SND1: variants seen among roughly 807,000 people sequenced by gnomAD.
SND1 encodes the protein staphylococcal nuclease and tudor domain containing 1.
SND1 carries 38 observed loss-of-function variants against 121.7 expected under a neutral mutation model. The observed-to-expected ratio is 0.31, with a 90% CI of 0.24 to 0.41. The LOEUF is 0.41. Among genes scored for constraint, SND1 ranks in the 10% least tolerant of loss-of-function variants. The pLI, the probability that SND1 is intolerant of heterozygous loss-of-function variation, is 1.00. For missense variants in SND1, 868 were observed against 1,184.6 expected (o/e 0.73, Z 3.92); for synonymous variants, 401 against 447.4 (o/e 0.90, Z 1.31).
intron 15 of SND1, among the ~76,000 whole-genome samples, chr7:127,988,529 T>C (rs751179636): frequency 2.0e-5 from 3 of 152,182 alleles, no homozygotes; most frequent in Admixed American, 1.3e-4. Context: ...TATTTCTGCT[T>C]GATTTGTTTA....
intron 16 of SND1, chr7:128,028,030 A>C (rs1243450944): frequency 6.5e-6 from 1 of 152,728 alleles, no homozygotes; most frequent in Non-Finnish European, 1.5e-5. Flanking sequence ...AGACTTGTGC[A>C]CATGGACAAA....
intron 12 of SND1, among the ~76,000 whole-genome samples, chr7:127,878,954 G>A (rs1005374078): frequency 2.6e-5 from 4 of 151,822 alleles, no homozygotes; most frequent in African/African-American, 9.7e-5. Flanking sequence ...AACAAAAATG[G>A]GGACAAAAAT....
chr7:128,059,336 C>T (rs188234311), intron 16 of SND1, among the ~76,000 whole-genome samples: 29 of 152,296 alleles, frequency 1.9e-4, no homozygotes, highest in Non-Finnish European at 2.9e-5. Flanking sequence ...GTGGCTTTAT[C>T]GTGTCTTCTC....
intron 3 of SND1, 70 bp from the exon 4 acceptor site, chr7:127,698,805 C>T (rs918433000): frequency 8.3e-7 from 1 of 1,208,614 alleles, no homozygotes; most frequent in Non-Finnish European, 1.2e-6. Context: ...GAAAGTGGTC[C>T]CATTTGGGCT....
intron 10 of SND1, among the ~76,000 whole-genome samples, chr7:127,738,965 C>G (rs759362055): frequency 1.3e-5 from 2 of 152,174 alleles, no homozygotes; most frequent in Non-Finnish European, 2.9e-5. Context: ...AGGACACTTG[C>G]AGGGTGTGTT....
At chr7:127,922,189 T>TTTTG (rs1800726037) in intron 14 of SND1, among the ~76,000 whole-genome samples, 1 of 95,458 alleles carries the variant, frequency 1.0e-5, no homozygotes, top group South Asian at 4.3e-4. Context: ...TTTTTTTTTT[T>TTTTG]TTTTTTTTTT....
intron 21 of SND1, among the ~76,000 whole-genome samples, chr7:128,088,496 A>C (rs1446967019): frequency 1.6e-5 from 2 of 123,020 alleles, no homozygotes; most frequent in Non-Finnish European, 3.2e-5. Context: ...TTTGTCACCC[A>C]GGCTAGAGTG....
At chr7:127,751,685 G>A (rs933492038) in intron 10 of SND1, among the ~76,000 whole-genome samples, 2 of 152,234 alleles carry the variant, frequency 1.3e-5, no homozygotes, top group Non-Finnish European at 2.9e-5. Context: ...TAGCAACCTC[G>A]CTGTTCCAGC....
chr7:127,974,735 T>C (rs962184977), intron 15 of SND1, among the ~76,000 whole-genome samples: 2 of 152,242 alleles, frequency 1.3e-5, no homozygotes, highest in African/African-American at 4.8e-5. Flanking sequence ...ACAGCCTCCA[T>C]ATGAAACACT....
chr7:127,744,024 T>C, intron 10 of SND1, among the ~76,000 whole-genome samples: 1 of 152,166 alleles, frequency 6.6e-6, no homozygotes. Flanking sequence ...GCTGTAAAAA[T>C]CTCTTTTAAA....
At chr7:127,673,816 G>A (rs189929006) in intron 1 of SND1, among the ~76,000 whole-genome samples, 7 of 152,258 alleles carry the variant, frequency 4.6e-5, no homozygotes, top group Admixed American at 1.3e-4. Flanking sequence ...GAGAGCTCTT[G>A]TAAGCTGGTT....
chr7:127,784,402 G>A (rs959485520), intron 10 of SND1, among the ~76,000 whole-genome samples: 2 of 152,048 alleles, frequency 1.3e-5, no homozygotes, highest in African/African-American at 4.8e-5. Flanking sequence ...CTTTTCTACT[G>A]CCTATCCTTC....
At chr7:127,901,725 A>G (rs963739140) in intron 13 of SND1, among the ~76,000 whole-genome samples, 1 of 152,196 alleles carries the variant, frequency 6.6e-6, no homozygotes, top group East Asian at 1.9e-4. Flanking sequence ...TTCTCAGTTT[A>G]CATATGCTGG....
At chr7:128,031,300 G>T (rs963405155) in intron 16 of SND1, among the ~76,000 whole-genome samples, 3 of 151,530 alleles carry the variant, frequency 2.0e-5, no homozygotes, top group Non-Finnish European at 4.4e-5. Context: ...GTGCGCTCCG[G>T]CGGCCCCGGC....
chr7:128,029,642 C>T lies in SND1; in HGVS notation c.1779+38586C>T, dbSNP rs1231926311. 12 of 1,613,992 alleles carry T rather than the reference C, an allele frequency of 7.4e-6. No individual in the cohort carries two copies. Among genetic ancestry groups the T allele is most frequent in the Non-Finnish European group, 9.3e-6 (11 of 1,179,994 alleles). On this transcript the variant is annotated intron_variant, in intron 16 of 23. Coordinates refer to ENST00000354725, the MANE Select transcript of SND1 (RefSeq NM_014390.4). The surrounding 1 kb of genome is among the most constrained non-coding windows in gnomAD (Gnocchi z 4.2). The stretch of plus-strand genomic sequence containing the variant: ...CCACGAGGTAGCGGCCTCGCATGTG[C>T]ATGGGAGCATGACAGCGGCCACAGC...
At chr7:128,048,427 T>G (rs934692527) in intron 16 of SND1, among the ~76,000 whole-genome samples, 8 of 152,210 alleles carry the variant, frequency 5.3e-5, no homozygotes, top group Non-Finnish European at 8.8e-5. Context: ...CATGTGAGTG[T>G]GCTGTGATGC....
chr7:128,003,043 G>T (rs187692276), intron 16 of SND1, among the ~76,000 whole-genome samples: 1 of 152,260 alleles, frequency 6.6e-6, no homozygotes, highest in East Asian at 1.9e-4. Context: ...CCAACATGGC[G>T]AAACCTTGTC....
At chr7:127,828,120 C>G (rs1291386451) in intron 11 of SND1, among the ~76,000 whole-genome samples, 2 of 152,034 alleles carry the variant, frequency 1.3e-5, no homozygotes, top group Non-Finnish European at 2.9e-5. Flanking sequence ...CCTCAGCCTC[C>G]CAAGTAGCTG....
At chr7:127,829,409 A>T (rs1419242366) in intron 11 of SND1, among the ~76,000 whole-genome samples, 3 of 151,920 alleles carry the variant, frequency 2.0e-5, no homozygotes, top group East Asian at 1.9e-4. Flanking sequence ...CTTTTAATTT[A>T]AAAAAAATGG....
Sources: allele counts gnomAD v4.1 joint callset (sites outside exome capture counted in the v4.1 genomes callset), GRCh38; gene constraint gnomAD v4.1.1; non-coding constraint Gnocchi (gnomAD v3.1); transcripts MANE v1.5; gene names NCBI Gene and HGNC (gene_info 2026-07-23, HGNC 2026-07-21).